Variants in SERPINB12 observed in about 807,000 individuals in gnomAD.
SERPINB12 encodes serpin family B member 12.
A neutral mutation model predicts 41.1 loss-of-function variants in SERPINB12; 57 were observed. That is an observed-to-expected ratio of 1.39 (90% confidence interval 1.12 to 1.73). The LOEUF is 1.73. Among genes scored for constraint, SERPINB12 ranks in the 40% most tolerant of loss-of-function variants. SERPINB12 has a pLI of 0.00. For synonymous variants in SERPINB12, 180 were observed against 181.3 expected (o/e 0.99, Z 0.06); for missense variants, 536 against 501.9 (o/e 1.07, Z -0.65).
At chr18:63,523,190 T>C in the SERPINB12 span, among the ~76,000 whole-genome samples, 1 of 152,202 alleles carries the variant, frequency 6.6e-6, no homozygotes, top group South Asian at 2.1e-4. Context: ...TGGGATAACA[T>C]GTCACTGTGA....
At chr18:63,520,284 A>T in the SERPINB12 span, among the ~76,000 whole-genome samples, 1 of 152,184 alleles carries the variant, frequency 6.6e-6, no homozygotes, top group African/African-American at 2.4e-5. Flanking sequence ...TGGTGGCAGG[A>T]GCCATGCTTC....
At chr18:63,519,489 C>A in the SERPINB12 span, among the ~76,000 whole-genome samples, 91 of 152,170 alleles carry the variant, frequency 6.0e-4, no homozygotes, top group Non-Finnish European at 1.0e-3. Context: ...CTTGAACTTT[C>A]GCTAATTGTT....
At chr18:63,546,695 G>T (rs1470981860) in intron 1 of SERPINB12, among the ~76,000 whole-genome samples, 3 of 152,046 alleles carry the variant, frequency 2.0e-5, no homozygotes, top group Non-Finnish European at 4.4e-5. Flanking sequence ...CTATAAAATT[G>T]GAAAGAGCAA....
intron 3 of SERPINB12, among the ~76,000 whole-genome samples, chr18:63,559,103 T>C (rs1426897133): frequency 7.2e-6 from 1 of 139,362 alleles, no homozygotes; most frequent in African/African-American, 2.6e-5. Flanking sequence ...CTCTCTTTCT[T>C]TCTTTCTTTT....
the SERPINB12 span, among the ~76,000 whole-genome samples, chr18:63,526,792 G>A: frequency 6.6e-6 from 1 of 152,090 alleles, no homozygotes; most frequent in African/African-American, 2.4e-5. Flanking sequence ...TTAATGATGA[G>A]GATACATTCT....
At chr18:63,560,516 T>A (rs527332044) in intron 4 of SERPINB12, among the ~76,000 whole-genome samples, 2 of 152,354 alleles carry the variant, frequency 1.3e-5, no homozygotes, top group Admixed American at 1.3e-4. Context: ...AATTCACCTG[T>A]TAAAAGTACA....
chr18:63,557,004 C>A (rs1294204079), intron 2 of SERPINB12, among the ~76,000 whole-genome samples: 1 of 152,202 alleles, frequency 6.6e-6, no homozygotes, highest in Admixed American at 6.5e-5. Flanking sequence ...TATTTCTCAT[C>A]TGTTCAAAAA....
Position 63,566,880 on chromosome 18 carries a change from A to C in SERPINB12, c.1147A>C (p.Thr383Pro). ...AAACGGTACCCAGGCAGCTGCAGCC[A>C]CTGGGGCTGTTGTCTCGGAAAGGTC... ...DENGTQAAAA[T>P]GAVVSERSLR... Residue 383 changes from threonine (T) to proline (P), a missense_variant, in exon 8 of 8, where the codon ACT (threonine) becomes CCT (proline). Physicochemically the swap from Thr to Pro is conservative, Grantham distance 38. Transcript: ENST00000382768. 1 of 1,614,198 alleles carries C rather than the reference A, an allele frequency of 6.2e-7. No individual in the cohort carries two copies. Among genetic ancestry groups the C allele is most frequent in the Non-Finnish European group, 8.5e-7 (1 of 1,180,020 alleles).
chr18:63,533,187 A>G, the SERPINB12 span, among the ~76,000 whole-genome samples: 1 of 152,146 alleles, frequency 6.6e-6, no homozygotes, highest in Non-Finnish European at 1.5e-5. Context: ...CATGTTGGCC[A>G]GGCTGGTCTG....
chr18:63,532,248 T>A, the SERPINB12 span, among the ~76,000 whole-genome samples: 2 of 152,216 alleles, frequency 1.3e-5, no homozygotes, highest in African/African-American at 2.4e-5. Context: ...GCCTTGTACT[T>A]ACAGTTGCTA....
chr18:63,560,702 C>A (rs1293844236), intron 4 of SERPINB12, among the ~76,000 whole-genome samples: 1 of 152,086 alleles, frequency 6.6e-6, no homozygotes, highest in Admixed American at 6.6e-5. Flanking sequence ...AACAGAAACT[C>A]TGCAACCATT....
Position 63,566,809 on chromosome 18 carries a change from T to A in SERPINB12, c.1076T>A (p.Leu359Ter). 1.9e-6 allele frequency: 3 copies of A among 1,614,112 alleles called. No homozygotes were observed. In the South Asian group the frequency reaches 3.3e-5, roughly 18 times the overall value. Residue 359 changes from leucine to a stop codon, truncating the protein, a stop_gained, in exon 8 of 8, where the codon TTG (leucine) becomes TAG (stop). Coordinates refer to ENST00000382768, the MANE Select transcript of SERPINB12 (RefSeq NM_001307928.2). LOFTEE classifies it high-confidence loss of function. ...DLTGISPSPNLYLSKIIHKTF... is the reference protein window; with the variant it reads ...DLTGISPSPN The stretch of plus-strand genomic sequence containing the variant: ...ACTGGAATCTCTCCAAGTCCCAATT[T>A]GTACTTGTCAAAAATTATCCACAAA...
At chr18:63,563,469 C>T (rs1910981205) in intron 5 of SERPINB12, among the ~76,000 whole-genome samples, 1 of 152,158 alleles carries the variant, frequency 6.6e-6, no homozygotes, top group Non-Finnish European at 1.5e-5. Context: ...GGACCCCCTG[C>T]GAGGTGGAGT....
At chr18:63,524,144 A>T in the SERPINB12 span, among the ~76,000 whole-genome samples, 1 of 152,262 alleles carries the variant, frequency 6.6e-6, no homozygotes, top group South Asian at 2.1e-4. Context: ...GCTAGAAAAG[A>T]TCAACACTTT....
At chr18:63,561,756 G>A (rs1910918639) in intron 5 of SERPINB12, among the ~76,000 whole-genome samples, 1 of 152,154 alleles carries the variant, frequency 6.6e-6, no homozygotes, top group African/African-American at 2.4e-5. Flanking sequence ...GATGGAAATG[G>A]AGGCCATAAT....
rs373189377 is a variant in SERPINB12 at position 63,556,141 on chromosome 18, G to A, written c.-18-1G>A. ...TCTTTCTCCTTTTTTTTTGGTTTTA[G>A]ATCGTTATAAGTTTTACAATGGACT... On this transcript the variant is annotated splice_acceptor_variant, in intron 1 of 7. Transcript: ENST00000382768. LOFTEE classifies it low-confidence loss of function (5UTR_SPLICE). The A allele has an allele frequency of 4.4e-6, 7 of 1,587,580 alleles. No homozygotes were observed. In the African/African-American group the frequency reaches 6.8e-5, roughly 15 times the overall value.
chr18:63,519,510 G>T, the SERPINB12 span, among the ~76,000 whole-genome samples: 1 of 152,162 alleles, frequency 6.6e-6, no homozygotes, highest in Non-Finnish European at 1.5e-5. Context: ...CTTTGCTTCT[G>T]CCTCAACTCC....
chr18:63,528,345 A>T, the SERPINB12 span, among the ~76,000 whole-genome samples: 5 of 151,998 alleles, frequency 3.3e-5, no homozygotes, highest in Non-Finnish European at 5.9e-5. Context: ...AAAGGTTGGC[A>T]TGCCTCAAGA....
intron 6 of SERPINB12, among the ~76,000 whole-genome samples, chr18:63,564,613 C>T (rs913737085): frequency 6.6e-6 from 1 of 152,218 alleles, no homozygotes; most frequent in South Asian, 2.1e-4. Context: ...TCACCCACCA[C>T]CTTGAGGTTA....
Sources: allele counts gnomAD v4.1 joint callset (sites outside exome capture counted in the v4.1 genomes callset), GRCh38; gene constraint gnomAD v4.1.1; transcripts MANE v1.5; gene names NCBI Gene and HGNC (gene_info 2026-07-23, HGNC 2026-07-21).